The following GBF1 variants were observed in gnomAD, a reference collection of about 807,000 sequenced individuals.
GBF1 encodes the protein Golgi-specific brefeldin A-resistance guanine nucleotide exchange factor 1.
A neutral mutation model predicts 210.5 loss-of-function variants in GBF1; 114 were observed. That is an observed-to-expected ratio of 0.54 (90% confidence interval 0.47 to 0.63). GBF1 has a LOEUF of 0.63. Ranked by LOEUF, GBF1 falls within the 30% of genes least tolerant of loss-of-function variation. The pLI is 0.00. For synonymous variants in GBF1, 850 were observed against 889.2 expected (o/e 0.96, Z 0.78); for missense variants, 1,851 against 2,357.7 (o/e 0.79, Z 4.45).
In GBF1 at chr10:102,326,664, C is replaced by T. The variant is rs1003314725; in HGVS notation, c.164-17387C>T. 3.3e-5 allele frequency among the ~76,000 whole-genome samples: 5 copies of T among 152,162 alleles called. No individual in the cohort carries two copies. The East Asian group carries it at 9.6e-4, about 29-fold the overall frequency. On this transcript the variant is annotated intron_variant, in intron 3 of 39. Transcript: ENST00000369983. ...ACATTTCATCTCCCCAGAAATATCC[C>T]CCATGCCTCTTTGAGTCCCCCAACC...
intron 3 of GBF1, among the ~76,000 whole-genome samples, chr10:102,288,733 A>C (rs1009175273): frequency 8.9e-5 from 13 of 146,068 alleles, no homozygotes; most frequent in Non-Finnish European, 1.7e-4. Flanking sequence ...AAAAAAAAAA[A>C]AACAAAAAAA....
rs374526079 is a variant in GBF1, at chr10:102,262,370, TTA to T, written c.163+2255_163+2256del. On this transcript the variant is annotated intron_variant, in intron 3 of 39. Transcript: ENST00000369983. Reference sequence around the variant, plus strand: ...TTTTTTTTAATTTTACAGATAAAGCTTACATATCCCAATTAGAAAGGAAATAT... The same window carrying T: ...TTTTTTTTAATTTTACAGATAAAGCTCATATCCCAATTAGAAAGGAAATAT... 4.2e-3 allele frequency among the ~76,000 whole-genome samples: 632 copies of T among 152,286 alleles called. 5 individuals carry two copies. The highest frequency in any genetic ancestry group is 0.014 in the African/African-American group (602 of 41,544).
In GBF1 at chr10:102,370,432, G is replaced by A. The variant is rs1254528984; in HGVS notation, c.3460G>A (p.Ala1154Thr). 1 of 1,613,508 alleles carries A rather than the reference G, an allele frequency of 6.2e-7. No homozygotes were observed. Among genetic ancestry groups the A allele is most frequent in the African/African-American group, 1.3e-5 (1 of 74,912 alleles). Residue 1154 changes from alanine to threonine, a missense_variant, in exon 28 of 40, where the codon GCT becomes ACT. Transcript: ENST00000369983. The stretch of plus-strand genomic sequence containing the variant: ...TGAAGAGACATATGATGAGGAAGAT[G>A]CTGCTTTCTGCCTAGAGATGCTGCT... ...PDEETYDEED[A>T]AFCLEMLLRI...
chr10:102,273,771 G>A (rs527897909), intron 3 of GBF1, among the ~76,000 whole-genome samples: 1 of 152,312 alleles, frequency 6.6e-6, no homozygotes, highest in Non-Finnish European at 1.5e-5. Context: ...CTTTTGCCAG[G>A]CAGAGATTAA....
At chr10:102,342,865 T>G (rs764047759) in intron 3 of GBF1, among the ~76,000 whole-genome samples, 23 of 152,140 alleles carry the variant, frequency 1.5e-4, no homozygotes, top group Non-Finnish European at 2.8e-4. Flanking sequence ...CAGTGTAGTA[T>G]TCTTTGACCT....
At position 102,368,755 on chromosome 10, in the gene GBF1, T is replaced by C; in HGVS notation, c.2896T>C (p.Ser966Pro). Residue 966 changes from serine to proline, a missense_variant, in exon 23 of 40, where the codon TCC (serine) becomes CCC (proline). Around this residue, in one of 3 missense-constraint regions of GBF1, gnomAD observed 967 missense variants for 1,247.7 expected, o/e 0.78. Transcript: ENST00000369983. ...ACATTACAGGAAGTGCGCCATGATC[T>C]CCGCCCACTATGGCCTCAGCGATGT... ...ISGFRKCAMI[S>P]AHYGLSDVFD... The C allele has an allele frequency of 1.2e-6, 2 of 1,612,332 alleles. No individual in the cohort carries two copies. The highest frequency in any genetic ancestry group is 1.7e-6 in the Non-Finnish European group (2 of 1,178,408).
At chr10:102,325,674 C>T (rs556015086) in intron 3 of GBF1, among the ~76,000 whole-genome samples, 3 of 151,492 alleles carry the variant, frequency 2.0e-5, no homozygotes, top group South Asian at 2.1e-4. Flanking sequence ...TTTTAAGACA[C>T]AGTCTCACTC....
intron 3 of GBF1, among the ~76,000 whole-genome samples, chr10:102,317,284 A>G (rs1052228176): frequency 1.3e-5 from 2 of 152,188 alleles, no homozygotes; most frequent in African/African-American, 4.8e-5. Context: ...ATAATAGCCC[A>G]TGTCTACATA....
rs111931713 is a variant in GBF1, at chr10:102,377,129, G to C, written c.4483G>C (p.Val1495Leu). ...PASYHTVSLQ[V>L]SQDLLDLMHT... is the part of the protein sequence containing the mutation. The stretch of plus-strand genomic sequence containing the variant: ...CAGCTACCATACGGTGTCTTTACAG[G>C]TCAGTCAGGACGTAAGTATGGCACC... The change falls in exon 33 of 40, where the codon GTC becomes CTC. Residue 1495 changes from valine (V) to leucine (L), a missense_variant. Transcript: ENST00000369983. 1 of 1,613,490 alleles carries C rather than the reference G, an allele frequency of 6.2e-7. No individual in the cohort carries two copies. The highest frequency in any genetic ancestry group is 1.1e-5 in the South Asian group (1 of 91,068).
At chr10:102,267,068 C>T (rs566359666) in intron 3 of GBF1, among the ~76,000 whole-genome samples, 2 of 152,282 alleles carry the variant, frequency 1.3e-5, no homozygotes, top group East Asian at 1.9e-4. Context: ...TGGCCTGGGC[C>T]TCTTAGCAGT....
chr10:102,260,114 C>G lies in GBF1; in HGVS notation c.161C>G (p.Thr54Arg). The change falls in exon 3 of 40, where the codon ACA (threonine) becomes AGA (arginine). Residue 54 changes from threonine (T) to arginine (R), a missense_variant and splice_region_variant. Thr to Arg is a moderately conservative substitution (Grantham distance 71). Around this residue, in one of 3 missense-constraint regions of GBF1, gnomAD observed 804 missense variants for 958.6 expected, o/e 0.84. Transcript: ENST00000369983. Reference sequence around the variant, plus strand: ...CTAAAGGAGGTTTTAAACAGTATAACAGGTAAGTCTCCATATGTATGTGGA... The same window carrying G: ...CTAAAGGAGGTTTTAAACAGTATAAGAGGTAAGTCTCCATATGTATGTGGA... ...GHLKEVLNSI[T>R]ELSEIEPNVF... 3.4e-6 allele frequency: 5 copies of G among 1,490,624 alleles called. No individual in the cohort carries two copies. The highest frequency in any genetic ancestry group is 4.7e-6 in the Non-Finnish European group (5 of 1,068,566). The allele number at this position is 1,490,624 out of a possible 1,614,324, so 92.3% of individuals were successfully genotyped here. A position where few individuals can be genotyped will look rare whatever the true frequency, so the allele number is the denominator to read the frequency against.
chr10:102,297,818 C>T (rs1056911022), intron 3 of GBF1, among the ~76,000 whole-genome samples: 3 of 152,034 alleles, frequency 2.0e-5, no homozygotes, highest in Non-Finnish European at 4.4e-5. Flanking sequence ...AAAACTCAGG[C>T]CTTTTATAGA....
chr10:102,358,290 G>T, intron 9 of GBF1, 104 bp downstream of exon 9: 1 of 1,082,744 alleles, frequency 9.2e-7, no homozygotes, highest in South Asian at 1.5e-5. Context: ...CTTTGGTCTT[G>T]GCGCTGAGAA....
chr10:102,375,304 CTG>C, intron 29 of GBF1, 53 bp from the exon 30 acceptor site: 1 of 1,001,540 alleles, frequency 1.0e-6, no homozygotes, highest in South Asian at 1.3e-5. Context: ...AGACAGGAAG[CTG>C]TGTGCCCACA....
At chr10:102,280,906 G>A (rs1344810234) in intron 3 of GBF1, among the ~76,000 whole-genome samples, 1 of 152,152 alleles carries the variant, frequency 6.6e-6, no homozygotes, top group Non-Finnish European at 1.5e-5. Flanking sequence ...GAAAGGAAGT[G>A]TTGTCTTTCG....
At chr10:102,328,494 AT>A (rs1411650544) in intron 3 of GBF1, among the ~76,000 whole-genome samples, 2 of 152,200 alleles carry the variant, frequency 1.3e-5, no homozygotes, top group African/African-American at 4.8e-5. Context: ...CTCAAAAAAA[AT>A]AAAAATAAAA....
intron 3 of GBF1, among the ~76,000 whole-genome samples, chr10:102,300,318 C>T (rs1325720138): frequency 6.6e-6 from 1 of 152,158 alleles, no homozygotes; most frequent in Non-Finnish European, 1.5e-5. Context: ...ACAGCTGTAG[C>T]TTCCAGAGGC....
intron 21 of GBF1, 79 bp from the exon 22 acceptor site, chr10:102,368,139 A>G: frequency 1.1e-6 from 1 of 881,234 alleles, no homozygotes; most frequent in Non-Finnish European, 1.9e-6. Flanking sequence ...GAGTGCTAGT[A>G]TGGATGAACT....
At chr10:102,322,049 A>G (rs949865623) in intron 3 of GBF1, among the ~76,000 whole-genome samples, 5 of 152,068 alleles carry the variant, frequency 3.3e-5, no homozygotes, top group African/African-American at 1.2e-4. Context: ...TTGTAGAGAC[A>G]GGGTTTCACC....
Sources: gnomAD v4.1 joint callset for allele counts (sites outside exome capture counted in the v4.1 genomes callset) on GRCh38, gnomAD v4.1.1 for gene constraint, gnomAD v4.1.1 regional missense constraint, MANE v1.5 for transcripts, NCBI Gene and HGNC (gene_info 2026-07-23, HGNC 2026-07-21) for gene names.